Variants in MGMT observed in about 807,000 individuals in gnomAD.
The protein encoded by MGMT is O-6-methylguanine-DNA methyltransferase.
Under a neutral mutation model 15.9 loss-of-function variants are expected in MGMT, and 14 were observed. The observed-to-expected ratio is 0.88, with a 90% CI of 0.58 to 1.37. MGMT has a LOEUF of 1.37. Ranked by LOEUF, MGMT falls within the 40% of genes most tolerant of loss-of-function variation. The pLI, the probability that MGMT is intolerant of heterozygous loss-of-function variation, is 0.00. For missense variants in MGMT, 282 were observed against 268.1 expected (o/e 1.05, Z -0.36); for synonymous variants, 130 against 118.2 (o/e 1.10, Z -0.65).
At chr10:129,690,830 T>TG (rs1847961622) in intron 2 of MGMT, among the ~76,000 whole-genome samples, 1 of 152,110 alleles carries the variant, frequency 6.6e-6, no homozygotes, top group Non-Finnish European at 1.5e-5. Context: ...CAGGCCAGAC[T>TG]GCAGGGCTGT....
chr10:129,516,889 C>T (rs1052825677), intron 1 of MGMT, among the ~76,000 whole-genome samples: 14 of 152,182 alleles, frequency 9.2e-5, no homozygotes, highest in African/African-American at 9.7e-5. Context: ...AATCCGCCAT[C>T]GGTGAAAGTG....
intron 3 of MGMT, among the ~76,000 whole-genome samples, chr10:129,709,679 TTTACCTAAGG>T (rs1416410090): frequency 6.6e-6 from 1 of 151,972 alleles, no homozygotes; most frequent in Non-Finnish European, 1.5e-5. Flanking sequence ...ACCCCTGAAG[TTTACCTAAGG>T]TTTGTTGGGC....
chr10:129,749,263 A>G (rs1022991311), intron 3 of MGMT, among the ~76,000 whole-genome samples: 4 of 152,112 alleles, frequency 2.6e-5, no homozygotes, highest in African/African-American at 9.7e-5. Flanking sequence ...CACCCTAAAA[A>G]TCCCCCTGTG....
intron 1 of MGMT, among the ~76,000 whole-genome samples, chr10:129,470,527 T>C (rs1446035463): frequency 2.6e-5 from 4 of 152,184 alleles, no homozygotes; most frequent in African/African-American, 9.7e-5. Context: ...AAGAAATCAT[T>C]TTTGTGACTT....
intron 3 of MGMT, among the ~76,000 whole-genome samples, chr10:129,753,211 C>G (rs566210676): frequency 6.6e-6 from 1 of 152,112 alleles, no homozygotes; most frequent in Non-Finnish European, 1.5e-5. Context: ...ATGACTGTTG[C>G]CTTGTACATA....
At chr10:129,727,441 A>T (rs912593275) in intron 3 of MGMT, among the ~76,000 whole-genome samples, 1 of 152,184 alleles carries the variant, frequency 6.6e-6, no homozygotes, top group Non-Finnish European at 1.5e-5. Context: ...CCAAGTGACA[A>T]CTGCTGAGCC....
At chr10:129,692,044 C>T (rs559961666) in intron 2 of MGMT, among the ~76,000 whole-genome samples, 1 of 152,172 alleles carries the variant, frequency 6.6e-6, no homozygotes, top group African/African-American at 2.4e-5. Flanking sequence ...GTGGGGGCAC[C>T]GAGCACAGTG....
chr10:129,680,868 C>A (rs773756985), intron 2 of MGMT, among the ~76,000 whole-genome samples: 1 of 152,194 alleles, frequency 6.6e-6, no homozygotes, highest in Non-Finnish European at 1.5e-5. Context: ...TGCCTCCCCA[C>A]AGGGGCCTTG....
At chr10:129,552,458 C>T (rs919509696) in intron 2 of MGMT, among the ~76,000 whole-genome samples, 1 of 152,230 alleles carries the variant, frequency 6.6e-6, no homozygotes, top group African/African-American at 2.4e-5. Flanking sequence ...GGTTTGTGGC[C>T]TTCAAAGCCT....
At chr10:129,730,210 C>T (rs1051984335) in intron 3 of MGMT, among the ~76,000 whole-genome samples, 3 of 152,050 alleles carry the variant, frequency 2.0e-5, no homozygotes, top group African/African-American at 2.4e-5. Context: ...CAACCATTGG[C>T]GCATTGAGCA....
intron 2 of MGMT, among the ~76,000 whole-genome samples, chr10:129,587,174 GCTTTGA>G (rs1489334409): frequency 6.6e-6 from 1 of 151,722 alleles, no homozygotes; most frequent in Non-Finnish European, 1.5e-5. Context: ...TTTATCGCTG[GCTTTGA>G]CCATCTGGCT....
At chr10:129,686,763 A>C (rs2133124343) in intron 2 of MGMT, among the ~76,000 whole-genome samples, 1 of 152,302 alleles carries the variant, frequency 6.6e-6, no homozygotes, top group African/African-American at 2.4e-5. Flanking sequence ...CATGCGAACA[A>C]GTGATGGTTC....
chr10:129,583,976 C>G (rs74643335), intron 2 of MGMT, among the ~76,000 whole-genome samples: 5,933 of 152,176 alleles, frequency 0.039, 151 homozygotes, highest in South Asian at 0.064. Flanking sequence ...CTGGCAGAGG[C>G]TGCTCCACCG....
At chr10:129,697,261 A>G (rs1322031488) in intron 2 of MGMT, among the ~76,000 whole-genome samples, 2 of 152,212 alleles carry the variant, frequency 1.3e-5, no homozygotes, top group African/African-American at 4.8e-5. Flanking sequence ...AAAGTAAATC[A>G]AAATGCTATT....
At chr10:129,480,832 T>C (rs1175144860) in intron 1 of MGMT, among the ~76,000 whole-genome samples, 1 of 152,218 alleles carries the variant, frequency 6.6e-6, no homozygotes, top group Non-Finnish European at 1.5e-5. Context: ...GATATGCAAG[T>C]CTGAATAACT....
At chr10:129,756,664 T>C (rs1384836661) in intron 3 of MGMT, among the ~76,000 whole-genome samples, 1 of 152,162 alleles carries the variant, frequency 6.6e-6, no homozygotes, top group Non-Finnish European at 1.5e-5. Flanking sequence ...GAGATGGGGT[T>C]TCACCATATT....
chr10:129,535,136 T>A (rs1845971741), intron 1 of MGMT, among the ~76,000 whole-genome samples: 1 of 152,204 alleles, frequency 6.6e-6, no homozygotes, highest in African/African-American at 2.4e-5. Context: ...CAGTGAACTT[T>A]GAGGGCTGAT....
rs1554873525 is a variant in MGMT, at chr10:129,646,754, A to ATTTTTTTTT, written c.126-61137_126-61136insTTTTTTTTT. Among the ~76,000 whole-genome samples, 200 of 86,282 alleles carry ATTTTTTTTT rather than the reference A, an allele frequency of 2.3e-3. 1 individual carries two copies. Among genetic ancestry groups the ATTTTTTTTT allele is most frequent in the South Asian group, 4.7e-3 (14 of 2,960 alleles). The allele number at this position is 86,282 out of a possible 152,430, so 56.6% of individuals were successfully genotyped here. A position where few individuals can be genotyped will look rare whatever the true frequency, so the allele number is the denominator to read the frequency against. On this transcript the variant is annotated intron_variant, in intron 2 of 4. Transcript: ENST00000651593. ...TATATATATATATATATATATATAT[A>ATTTTTTTTT]TTTTCAGGGAATGGTAGAGAACAGT...
At chr10:129,679,100 C>T (rs1254825221) in intron 2 of MGMT, among the ~76,000 whole-genome samples, 1 of 151,110 alleles carries the variant, frequency 6.6e-6, no homozygotes. Context: ...TCGTGATATT[C>T]TTGATAGGAA....
Sources: allele counts gnomAD v4.1 joint callset (sites outside exome capture counted in the v4.1 genomes callset), GRCh38; gene constraint gnomAD v4.1.1; transcripts MANE v1.5; gene names NCBI Gene and HGNC (gene_info 2026-07-23, HGNC 2026-07-21).